KDM6A: variants seen among roughly 807,000 people sequenced by gnomAD.
KDM6A encodes the protein lysine demethylase 6A, also known as lysine-specific demethylase 6A.
In KDM6A, 11 loss-of-function variants were observed where a neutral mutation model predicts 117.6. The ratio of observed to expected loss-of-function variants is 0.09; its 90% CI spans 0.06 to 0.15. The LOEUF is 0.15. Among genes scored for constraint, KDM6A ranks in the 10% least tolerant of loss-of-function variants. The pLI is 1.00. For missense variants in KDM6A, 799 were observed against 1,077.3 expected, an observed-to-expected ratio of 0.74 and a Z score of 3.62; for synonymous variants, 384 against 396.1, an observed-to-expected ratio of 0.97 and a Z score of 0.36.
intron 2 of KDM6A, among the ~76,000 whole-genome samples, chrX:44,890,897 G>T (rs1231872764): frequency 3.6e-5 from 4 of 110,009 alleles, no homozygotes; most frequent in Non-Finnish European, 7.6e-5. Context: ...CAGGTGATCT[G>T]CTTTCCAAAG....
intron 2 of KDM6A, among the ~76,000 whole-genome samples, chrX:44,914,546 A>C (rs2035433907): frequency 9.0e-6 from 1 of 111,323 alleles, no homozygotes; most frequent in Non-Finnish European, 1.9e-5. Context: ...GTGAATCATA[A>C]GAAAGATGTT....
chrX:45,031,985 G>A (rs2042619782), intron 6 of KDM6A, among the ~76,000 whole-genome samples: 1 of 110,505 alleles, frequency 9.0e-6, no homozygotes, highest in Non-Finnish European at 1.9e-5. Flanking sequence ...CAAACTTTGC[G>A]TTAAATTGGG....
chrX:44,947,738 A>G (rs1289238056), intron 2 of KDM6A, among the ~76,000 whole-genome samples: 2 of 111,618 alleles, frequency 1.8e-5, no homozygotes, highest in African/African-American at 6.5e-5. Flanking sequence ...TTGTCCTTCA[A>G]GAACAGTTTT....
intron 6 of KDM6A, among the ~76,000 whole-genome samples, chrX:45,030,826 C>T (rs1274279332): frequency 9.0e-6 from 1 of 111,269 alleles, no homozygotes; most frequent in Non-Finnish European, 1.9e-5. Context: ...TCTCATGCCT[C>T]AGCCACCTGA....
At chrX:44,952,592 C>A (rs918174471) in intron 2 of KDM6A, among the ~76,000 whole-genome samples, 1 of 111,520 alleles carries the variant, frequency 9.0e-6, no homozygotes, top group Non-Finnish European at 1.9e-5. Context: ...ACTCTTTTGA[C>A]AAAAGATGTG....
At chrX:45,028,933 A>T (rs769048105) in intron 6 of KDM6A, among the ~76,000 whole-genome samples, 1 of 112,517 alleles carries the variant, frequency 8.9e-6, no homozygotes, top group Non-Finnish European at 1.9e-5. Flanking sequence ...ATATATGTGC[A>T]GTAACACCAT....
intron 2 of KDM6A, among the ~76,000 whole-genome samples, chrX:44,912,124 C>T (rs1055249066): frequency 1.8e-5 from 2 of 110,084 alleles, no homozygotes; most frequent in African/African-American, 3.3e-5. Context: ...GCCTTGCTCT[C>T]GTTGCCCAGG....
At position 45,038,596 on chromosome X, in the gene KDM6A, G is replaced by C. The variant is rs192715505; in HGVS notation, c.654+907G>C. Among the ~76,000 whole-genome samples, 223 of 108,080 alleles carry C rather than the reference G, an allele frequency of 2.1e-3. 2 individuals carry two copies. The highest frequency in any genetic ancestry group is 7.1e-3 in the African/African-American group (208 of 29,386). The allele number at this position is 108,080 out of a possible 115,157, so 93.9% of individuals were successfully genotyped here. The stretch of plus-strand genomic sequence containing the variant: ...TATGATAAAAGTATAACACATTTGG[G>C]GGGGGGTGGTTGGAGGCAAGGGGAG... On this transcript the variant is annotated intron_variant, in intron 8 of 29. Transcript: ENST00000611820.
Position 44,949,741 on chromosome X carries a change from C to G in KDM6A, c.226-11543C>G, listed in dbSNP as rs181762941. 1.7e-3 allele frequency among the ~76,000 whole-genome samples: 188 copies of G among 111,914 alleles called. 1 individual carries two copies. The highest frequency in any genetic ancestry group is 4.7e-3 in the Middle Eastern group (1 of 215). On this transcript the variant is annotated intron_variant, in intron 2 of 29. Transcript: ENST00000611820. ...GTAAGGCAAAGGAATGCATACTTTG[C>G]TACCAAAGATATTAATTTGAACTAC...
intron 8 of KDM6A, among the ~76,000 whole-genome samples, chrX:45,041,155 C>T (rs1378819690): frequency 5.5e-5 from 4 of 72,532 alleles, no homozygotes; most frequent in Admixed American, 1.4e-4. Flanking sequence ...CCGGACGGGG[C>T]GGCTGGCCGG....
rs185613302 is a variant in KDM6A, at chrX:44,974,757, G to A, written c.384+42G>A. ...ATGCTGATTTCATGTTTGTGTTTTG[G>A]GCAGATTATTGCCAATTATACTCAA... On this transcript the variant is annotated intron_variant, in intron 4 of 29. Coordinates refer to ENST00000611820, the MANE Select transcript of KDM6A (RefSeq NM_001291415.2). 4 of 1,005,165 alleles carry A rather than the reference G, an allele frequency of 4.0e-6. No homozygotes were observed. In the African/African-American group the frequency reaches 7.5e-5, roughly 19 times the overall value. 82.8% of individuals were successfully genotyped at this position (1,005,165 alleles called of 1,213,427 possible).
At chrX:45,047,233 T>G (rs2043577846) in intron 8 of KDM6A, among the ~76,000 whole-genome samples, 1 of 110,863 alleles carries the variant, frequency 9.0e-6, no homozygotes, top group Non-Finnish European at 1.9e-5. Flanking sequence ...GTTTGATTTT[T>G]TTTTTATCAG....
At chrX:44,942,222 A>G (rs948249236) in intron 2 of KDM6A, among the ~76,000 whole-genome samples, 14 of 110,165 alleles carry the variant, frequency 1.3e-4, no homozygotes, top group African/African-American at 4.6e-4. Flanking sequence ...TTTAGTAGAG[A>G]CGGGGTTTCA....
At chrX:44,913,021 CT>C (rs2035306586) in intron 2 of KDM6A, among the ~76,000 whole-genome samples, 1 of 111,495 alleles carries the variant, frequency 9.0e-6, no homozygotes, top group Non-Finnish European at 1.9e-5. Context: ...TACAGTTGAT[CT>C]TTGGATAACA....
At position 45,003,527 on chromosome X, in the gene KDM6A, A is replaced by G. The variant is rs143976164; in HGVS notation, c.385-7434A>G. 4.7e-4 allele frequency among the ~76,000 whole-genome samples: 51 copies of G among 109,503 alleles called. No individual in the cohort carries two copies. In the East Asian group the frequency reaches 0.014, roughly 30 times the overall value. On this transcript the variant is annotated intron_variant, in intron 4 of 29. Transcript: ENST00000611820. ...GTTAAGGATTTTTGATAGGAAGGCT[A>G]CGAGTTGTCAGTGGCCTCAGTGCTT...
At chrX:44,895,852 T>TA (rs372464942) in intron 2 of KDM6A, among the ~76,000 whole-genome samples, 1 of 108,861 alleles carries the variant, frequency 9.2e-6, no homozygotes, top group Admixed American at 1.0e-4. Flanking sequence ...TTTTTTTTTT[T>TA]ACCTTCTTAT....
At chrX:44,908,683 C>G (rs2034886767) in intron 2 of KDM6A, among the ~76,000 whole-genome samples, 1 of 111,651 alleles carries the variant, frequency 9.0e-6, no homozygotes, top group African/African-American at 3.3e-5. Flanking sequence ...TTGGTCAAAG[C>G]CTACCCAGAT....
chrX:45,095,147 G>C (rs908685723), intron 27 of KDM6A, among the ~76,000 whole-genome samples: 5 of 111,245 alleles, frequency 4.5e-5, no homozygotes, highest in African/African-American at 1.6e-4. Flanking sequence ...ATCGGGCTCA[G>C]TACTTAGCCA....
chrX:45,013,136 GGTGTGT>G (rs1406715975), intron 5 of KDM6A, among the ~76,000 whole-genome samples: 1 of 110,675 alleles, frequency 9.0e-6, no homozygotes, highest in African/African-American at 3.3e-5. Flanking sequence ...AAAGCAAGGG[GGTGTGT>G]GTGTGTGTTA....
Sources: allele counts gnomAD v4.1 joint callset (sites outside exome capture counted in the v4.1 genomes callset), GRCh38; gene constraint gnomAD v4.1.1; transcripts MANE v1.5; gene names NCBI Gene and HGNC (gene_info 2026-07-23, HGNC 2026-07-21).